Variants in ARID2 observed in about 807,000 individuals in gnomAD.
ARID2 encodes the protein AT-rich interaction domain 2.
A neutral mutation model predicts 184.6 loss-of-function variants in ARID2; 32 were observed. That is an observed-to-expected ratio of 0.17 (90% CI 0.13 to 0.23). The LOEUF (loss-of-function observed/expected upper bound fraction) is 0.23. Among genes scored for constraint, ARID2 ranks in the 10% least tolerant of loss-of-function variants. The pLI is 1.00. For missense variants in ARID2, 1,696 were observed against 2,197.6 expected, an observed-to-expected ratio of 0.77 and a Z score of 4.56; for synonymous variants, 836 against 772.6, an observed-to-expected ratio of 1.08 and a Z score of -1.36.
chr12:45,813,916 C>T (rs1312840289), intron 4 of ARID2, among the ~76,000 whole-genome samples: 1 of 152,064 alleles, frequency 6.6e-6, no homozygotes, highest in African/African-American at 2.4e-5. Flanking sequence ...ATACCTAATA[C>T]TTCAGTTTCC....
At chr12:45,743,487 C>T (rs1271305094) in intron 3 of ARID2, among the ~76,000 whole-genome samples, 1 of 152,230 alleles carries the variant, frequency 6.6e-6, no homozygotes, top group Non-Finnish European at 1.5e-5. Flanking sequence ...CGAACTGCCT[C>T]AGCCTCCTGA....
intron 3 of ARID2, among the ~76,000 whole-genome samples, chr12:45,805,804 T>C (rs1942589009): frequency 6.6e-6 from 1 of 152,144 alleles, no homozygotes; most frequent in Admixed American, 6.5e-5. Flanking sequence ...AAATAAAGTA[T>C]ATAATTCAGT....
intron 8 of ARID2, 148 bp from the exon 9 acceptor site, chr12:45,837,173 A>G: frequency 9.1e-7 from 1 of 1,104,682 alleles, no homozygotes; most frequent in Non-Finnish European, 1.3e-6. Flanking sequence ...ATTTGAAATG[A>G]TGCTTTAAAT....
At chr12:45,769,814 A>C (rs1288116046) in intron 3 of ARID2, among the ~76,000 whole-genome samples, 1 of 152,206 alleles carries the variant, frequency 6.6e-6, no homozygotes, top group Non-Finnish European at 1.5e-5. Context: ...ATCACTTACA[A>C]GTGAACCCCA....
rs192150442 is a variant in ARID2 at position 45,799,663 on chromosome 12, C to T, written c.285-11755C>T. Among the ~76,000 whole-genome samples the T allele has an allele frequency of 2.0e-5, 3 of 152,102 alleles. No individual in the cohort carries two copies. The East Asian group carries it at 5.8e-4, about 29-fold the overall frequency. On this transcript the variant is annotated intron_variant, in intron 3 of 20. Coordinates refer to ENST00000334344, the MANE Select transcript of ARID2 (RefSeq NM_152641.4). ...AAGATACTACTGAAAGTTGACATGC[C>T]AGATGACAAAATAAGAGAATGGGTT...
chr12:45,773,842 C>T (rs748060556), intron 3 of ARID2, among the ~76,000 whole-genome samples: 2 of 152,118 alleles, frequency 1.3e-5, no homozygotes, highest in Non-Finnish European at 2.9e-5. Context: ...AGATTCTTCA[C>T]CAACTTTTGC....
intron 16 of ARID2, among the ~76,000 whole-genome samples, chr12:45,890,970 G>A (rs568334770): frequency 6.6e-6 from 1 of 151,994 alleles, no homozygotes; most frequent in African/African-American, 2.4e-5. Context: ...TTCGAGACCA[G>A]CCTGGCCAAC....
intron 3 of ARID2, among the ~76,000 whole-genome samples, chr12:45,742,102 A>G (rs1941269432): frequency 6.6e-6 from 1 of 152,190 alleles, no homozygotes; most frequent in African/African-American, 2.4e-5. Context: ...ATCCCACAAC[A>G]AACAACAAAC....
intron 3 of ARID2, among the ~76,000 whole-genome samples, chr12:45,807,385 G>A (rs577198489): frequency 4.6e-5 from 7 of 152,142 alleles, no homozygotes; most frequent in African/African-American, 1.7e-4. Flanking sequence ...AGTGGTGGTG[G>A]TTATTGTTTC....
chr12:45,769,852 G>C (rs948043768), intron 3 of ARID2, among the ~76,000 whole-genome samples: 3 of 152,136 alleles, frequency 2.0e-5, no homozygotes, highest in African/African-American at 7.2e-5. Flanking sequence ...CTTCTTATCA[G>C]AAAGAATGGA....
intron 1 of ARID2, 34 bp downstream of exon 1, chr12:45,729,962 G>T: frequency 6.2e-7 from 1 of 1,603,786 alleles, no homozygotes. Context: ...GCGCCGGGGC[G>T]AGCCGGGGCG....
intron 15 of ARID2, among the ~76,000 whole-genome samples, chr12:45,859,879 G>A (rs752396938): frequency 1.2e-4 from 19 of 152,172 alleles, no homozygotes; most frequent in Admixed American, 2.6e-4. Context: ...GATTACAGGC[G>A]CCTGCCACCA....
chr12:45,744,688 G>A (rs1215178989), intron 3 of ARID2, among the ~76,000 whole-genome samples: 7 of 152,078 alleles, frequency 4.6e-5, no homozygotes, highest in Non-Finnish European at 1.0e-4. Context: ...TTCTCAAGAT[G>A]AGAAATAATT....
At chr12:45,894,844 CTT>C (rs1290410570) in intron 20 of ARID2, among the ~76,000 whole-genome samples, 1 of 151,906 alleles carries the variant, frequency 6.6e-6, no homozygotes, top group African/African-American at 2.4e-5. Flanking sequence ...CTTCTAACCT[CTT>C]TTTTGTTTCA....
chr12:45,773,379 G>C (rs1181830171), intron 3 of ARID2, among the ~76,000 whole-genome samples: 1 of 151,862 alleles, frequency 6.6e-6, no homozygotes, highest in Non-Finnish European at 1.5e-5. Context: ...GCAGAGAAAG[G>C]AGATAATGAA....
chr12:45,813,022 G>A (rs775139204), intron 4 of ARID2, among the ~76,000 whole-genome samples: 4 of 151,978 alleles, frequency 2.6e-5, no homozygotes, highest in Non-Finnish European at 4.4e-5. Context: ...TTGGTATTTC[G>A]GAAGCCTATA....
chr12:45,746,100 A>ATTTTTTTTTT (rs34374158), intron 3 of ARID2, among the ~76,000 whole-genome samples: 23 of 140,222 alleles, frequency 1.6e-4, no homozygotes, highest in South Asian at 1.6e-3. Context: ...TTCTGGTTTG[A>ATTTTTTTTTT]TTTTTTTTTT....
intron 6 of ARID2, among the ~76,000 whole-genome samples, chr12:45,835,566 T>C (rs1943204685): frequency 6.6e-6 from 1 of 152,144 alleles, no homozygotes; most frequent in Non-Finnish European, 1.5e-5. Flanking sequence ...ATTACTATAG[T>C]TCATTGCTTA....
At chr12:45,748,987 G>A (rs1408479866) in intron 3 of ARID2, among the ~76,000 whole-genome samples, 1 of 152,140 alleles carries the variant, frequency 6.6e-6, no homozygotes, top group Admixed American at 6.5e-5. Flanking sequence ...TGGAAACAAT[G>A]TCTTCAAAAC....
Sources: gnomAD v4.1 joint callset for allele counts (sites outside exome capture counted in the v4.1 genomes callset) on GRCh38, gnomAD v4.1.1 for gene constraint, MANE v1.5 for transcripts, NCBI Gene and HGNC (gene_info 2026-07-23, HGNC 2026-07-21) for gene names.